SLC18A2: variants seen among roughly 807,000 people sequenced by gnomAD.
SLC18A2 encodes the protein solute carrier family 18 member A2, also known as synaptic vesicular amine transporter.
SLC18A2 carries 33 observed loss-of-function variants against 59.2 expected under a neutral mutation model. The ratio of observed to expected loss-of-function variants is 0.56; its 90% CI spans 0.42 to 0.75. The LOEUF (loss-of-function observed/expected upper bound fraction) is 0.75, where lower values mean the gene tolerates loss of function less well. Ranked by LOEUF, SLC18A2 falls within the 30% of genes least tolerant of loss-of-function variation. The pLI, the probability that SLC18A2 is intolerant of heterozygous loss-of-function variation, is 0.00. For synonymous variants in SLC18A2, 228 were observed against 253.5 expected (o/e 0.90, Z 0.95); for missense variants, 569 against 668.6 (o/e 0.85, Z 1.64).
chr10:117,249,977 G>C (rs1200780902), intron 3 of SLC18A2, among the ~76,000 whole-genome samples: 1 of 152,292 alleles, frequency 6.6e-6, no homozygotes, highest in East Asian at 1.9e-4. Context: ...GACAAGGGGG[G>C]CAACTCAGAC....
Position 117,241,755 on chromosome 10 carries a change from T to G in SLC18A2, c.62T>G (p.Leu21Arg). ...WLQESRRSRKLILFIVFLALL... is the reference protein window; with the variant it reads ...WLQESRRSRKRILFIVFLALL... The stretch of plus-strand genomic sequence containing the variant: ...CAGGAGAGCCGCCGCTCGCGGAAGC[T>G]CATCCTGTTCATCGTGTTCCTGGCG... Residue 21 changes from leucine (L) to arginine (R), a missense_variant, in exon 2 of 16, where the codon CTC (leucine) becomes CGC (arginine). By Grantham distance (102) the Leu-to-Arg change is moderately radical. Coordinates refer to ENST00000644641, the MANE Select transcript of SLC18A2 (RefSeq NM_003054.6). The G allele has an allele frequency of 6.2e-7, 1 of 1,611,166 alleles. No homozygotes were observed. Among genetic ancestry groups the G allele is most frequent in the Non-Finnish European group, 8.5e-7 (1 of 1,179,178 alleles).
rs1030966093 is a variant in SLC18A2, at chr10:117,269,184, TAC to T, written c.1187-878_1187-877del. 3.3e-4 allele frequency among the ~76,000 whole-genome samples: 47 copies of T among 141,332 alleles called. No individual in the cohort carries two copies. Among genetic ancestry groups the T allele is most frequent in the African/African-American group, 6.9e-4 (26 of 37,480 alleles). 92.7% of individuals were successfully genotyped at this position (141,332 alleles called of 152,430 possible). ...ACATACACACATACATATACACACA[TAC>T]ACACACACCTACACACATACACATA... On this transcript the variant is annotated intron_variant, in intron 13 of 15. Transcript: ENST00000644641. This position sits in a 1 kb window ranked among gnomAD's most constrained non-coding sequence, Gnocchi z 5.1.
rs905552137 is a variant in SLC18A2 at position 117,253,270 on chromosome 10, T to A, written c.465-129T>A. On this transcript the variant is annotated intron_variant, in intron 3 of 15. Coordinates refer to ENST00000644641, the MANE Select transcript of SLC18A2 (RefSeq NM_003054.6). ...GGTCACATAGGAAGCACTGAGTATA[T>A]GAATTTTCAGAAAAGTCCACCAAAC... 1.7e-5 allele frequency: 12 copies of A among 706,352 alleles called. No homozygotes were observed. In the East Asian group the frequency reaches 3.0e-4, roughly 18 times the overall value. 43.8% of individuals were successfully genotyped at this position (706,352 alleles called of 1,614,324 possible).
rs557893742 is a variant in SLC18A2 at position 117,266,119 on chromosome 10, TGAC to T, written c.992-613_992-611del. Among the ~76,000 whole-genome samples, 492 of 150,772 alleles carry T rather than the reference TGAC, an allele frequency of 3.3e-3. 3 individuals carry two copies. Among genetic ancestry groups the T allele is most frequent in the African/African-American group, 0.011 (463 of 41,104 alleles). On this transcript the variant is annotated intron_variant, in intron 10 of 15. Coordinates refer to ENST00000644641, the MANE Select transcript of SLC18A2 (RefSeq NM_003054.6). ...AAAAAAAAAAAAAAAAAATCTGACT[TGAC>T]AACAAAAAATGACCAGGCAGACATT...
chr10:117,264,133 G>T (rs925597300), intron 10 of SLC18A2, among the ~76,000 whole-genome samples: 11 of 152,230 alleles, frequency 7.2e-5, no homozygotes, highest in African/African-American at 2.7e-4. Flanking sequence ...GCTGGCCAAG[G>T]CCGTGGCTGA....
chr10:117,241,684 C>G lies in SLC18A2; in HGVS notation c.-10C>G, dbSNP rs1433476324. 2 of 1,575,816 alleles carry G rather than the reference C, an allele frequency of 1.3e-6. No individual in the cohort carries two copies. Among genetic ancestry groups the G allele is most frequent in the African/African-American group, 1.4e-5 (1 of 73,222 alleles). ...ACCGCGCACCGCGCCCGCAGCGGAG[C>G]CCCGGAGCCATGGCCCTGAGCGAGC... On this transcript the variant is annotated 5_prime_UTR_variant, in exon 2 of 16. Coordinates refer to ENST00000644641, the MANE Select transcript of SLC18A2 (RefSeq NM_003054.6).
chr10:117,266,806 G>A lies in SLC18A2; in HGVS notation c.1065G>A (p.Met355Ile). The A allele has an allele frequency of 6.2e-7, 1 of 1,612,096 alleles. No individual in the cohort carries two copies. The highest frequency in any genetic ancestry group is 8.5e-7 in the Non-Finnish European group (1 of 1,178,458). ...TNIFGILAHK[M>I]GRWLCALLGM... ...TTTTTGGGATACTTGCACACAAAAT[G>A]GGGAGGTAAGATGATATGAAAACAA... is the stretch of plus-strand genomic sequence containing the variant. Residue 355 changes from methionine (M) to isoleucine (I), a missense_variant, in exon 11 of 16, where the codon ATG becomes ATA. Met to Ile is a conservative substitution (Grantham distance 10, BLOSUM62 1). Around this residue, in one of 2 missense-constraint regions of SLC18A2, gnomAD observed 192 missense variants for 278.8 expected, o/e 0.69. Coordinates refer to ENST00000644641, the MANE Select transcript of SLC18A2 (RefSeq NM_003054.6).
intron 15 of SLC18A2, among the ~76,000 whole-genome samples, chr10:117,275,964 T>G (rs2255062): frequency 0.77 from 116,703 of 151,336 alleles, 45,594 homozygotes; most frequent in Non-Finnish European, 0.85. Context: ...TTTTGCCTAC[T>G]AAGAAATCTA....
intron 1 of SLC18A2, 108 bp from the exon 2 acceptor site, chr10:117,241,571 C>T (rs1183554838): frequency 1.5e-5 from 18 of 1,234,968 alleles, no homozygotes; most frequent in Non-Finnish European, 1.8e-5. Context: ...GGGGTGTCCC[C>T]GGATGCCGGT....
At chr10:117,270,876 TC>T (rs967806363) in intron 15 of SLC18A2, among the ~76,000 whole-genome samples, 5 of 152,194 alleles carry the variant, frequency 3.3e-5, no homozygotes, top group African/African-American at 1.2e-4. Flanking sequence ...ATAGTTGCTG[TC>T]TTGTCTTTAC....
chr10:117,261,553 A>G (rs1024574997), intron 10 of SLC18A2, among the ~76,000 whole-genome samples: 5 of 152,178 alleles, frequency 3.3e-5, no homozygotes, highest in Non-Finnish European at 7.3e-5. Context: ...AATGTCCCCA[A>G]CCCTTCTTCA....
chr10:117,241,569 C>A, intron 1 of SLC18A2, 110 bp from the exon 2 acceptor site: 1 of 1,222,826 alleles, frequency 8.2e-7, no homozygotes, highest in Non-Finnish European at 1.1e-6. Flanking sequence ...CGGGGGTGTC[C>A]CCGGATGCCG....
At chr10:117,241,346 G>C in intron 1 of SLC18A2, 126 bp downstream of exon 1, 1 of 198,740 alleles carries the variant, frequency 5.0e-6, no homozygotes. Context: ...CGGGGCAGCC[G>C]GGGCGCAGGG....
chr10:117,270,378 T>C lies in SLC18A2; in HGVS notation c.1355T>C (p.Leu452Pro). 1 of 1,614,188 alleles carries C rather than the reference T, an allele frequency of 6.2e-7. No individual in the cohort carries two copies. The highest frequency in any genetic ancestry group is 1.1e-5 in the South Asian group (1 of 91,074). The change falls in exon 15 of 16, where the codon CTC (leucine) becomes CCC (proline). Residue 452 changes from leucine (L) to proline (P), a missense_variant. Leu to Pro is a moderately conservative substitution (Grantham distance 98, BLOSUM62 -3). Transcript: ENST00000644641. ...AIAKAIGFPW[L>P]MTIIGIIDIL... is the part of the protein sequence containing the mutation. ...GCAAAGGCAATTGGATTTCCATGGC[T>C]CATGACAATTATTGGGATAATTGAT...
intron 3 of SLC18A2, among the ~76,000 whole-genome samples, chr10:117,246,700 TG>T (rs1218837236): frequency 6.6e-6 from 1 of 152,198 alleles, no homozygotes; most frequent in Non-Finnish European, 1.5e-5. Context: ...TCACCCAGGC[TG>T]GAGTGCAGCA....
At chr10:117,276,630 AAAAG>A (rs1363913917) in intron 15 of SLC18A2, among the ~76,000 whole-genome samples, 1 of 22,314 alleles carries the variant, frequency 4.5e-5, no homozygotes, top group African/African-American at 1.1e-4. Context: ...AAAAAAAAAA[AAAAG>A]AAAGAAAGAA....
chr10:117,274,449 A>C (rs1333059398), intron 15 of SLC18A2, among the ~76,000 whole-genome samples: 2 of 152,134 alleles, frequency 1.3e-5, no homozygotes, highest in Non-Finnish European at 1.5e-5. Flanking sequence ...TCCTACATTC[A>C]GGTCTAATGT....
chr10:117,260,888 T>C (rs1268622305), intron 10 of SLC18A2, among the ~76,000 whole-genome samples: 2 of 152,206 alleles, frequency 1.3e-5, no homozygotes, highest in Non-Finnish European at 2.9e-5. Flanking sequence ...ATCTGGACTT[T>C]CTGCTGTTGT....
At chr10:117,248,615 A>G (rs528059719) in intron 3 of SLC18A2, among the ~76,000 whole-genome samples, 138 of 152,354 alleles carry the variant, frequency 9.1e-4, no homozygotes, top group African/African-American at 3.3e-3. Context: ...AAATTATACT[A>G]GTGATACTTG....
Sources: gnomAD v4.1 joint callset for allele counts (sites outside exome capture counted in the v4.1 genomes callset) on GRCh38, gnomAD v4.1.1 for gene constraint, gnomAD v4.1.1 regional missense constraint, Gnocchi (gnomAD v3.1) non-coding constraint, MANE v1.5 for transcripts, NCBI Gene and HGNC (gene_info 2026-07-23, HGNC 2026-07-21) for gene names.